The following MPDZ variants were observed in gnomAD, a reference collection of about 807,000 sequenced individuals.
MPDZ encodes multiple PDZ domain protein.
Under a neutral mutation model 239.1 loss-of-function variants are expected in MPDZ, and 234 were observed. The ratio of observed to expected loss-of-function variants is 0.98; its 90% CI spans 0.88 to 1.09. The LOEUF (loss-of-function observed/expected upper bound fraction) is 1.09. MPDZ is among the 50% of genes least tolerant of loss of function. The pLI, the probability that MPDZ is intolerant of heterozygous loss-of-function variation, is 0.00. For synonymous variants in MPDZ, 1,048 were observed against 881.3 expected, an observed-to-expected ratio of 1.19 and a Z score of -3.35; for missense variants, 3,175 against 2,510.0, an observed-to-expected ratio of 1.26 and a Z score of -5.66.
chr9:13,271,860 T>C (rs1427736010), intron 1 of MPDZ, among the ~76,000 whole-genome samples: 2 of 152,142 alleles, frequency 1.3e-5, no homozygotes, highest in African/African-American at 2.4e-5. Context: ...AATCCCAAAA[T>C]AATCACATAG....
Position 13,112,150 on chromosome 9 carries a change from C to A in MPDZ, c.5602-4G>T, listed in dbSNP as rs1415730173. ...TTCCCAGTGAGTCAGTAGGGCCCTG[C>A]CATGGAACAGATATAAAATTTTGGT... On this transcript the variant is annotated splice_region_variant and splice_polypyrimidine_tract_variant and intron_variant, in intron 42 of 46. Coordinates refer to ENST00000319217, the MANE Select transcript of MPDZ (RefSeq NM_001378778.1). 1 of 1,603,006 alleles carries A rather than the reference C, an allele frequency of 6.2e-7. No homozygotes were observed. The highest frequency in any genetic ancestry group is 8.5e-7 in the Non-Finnish European group (1 of 1,174,596).
chr9:13,132,130 T>A (rs1044377998), intron 32 of MPDZ, among the ~76,000 whole-genome samples: 1 of 152,166 alleles, frequency 6.6e-6, no homozygotes, highest in African/African-American at 2.4e-5. Context: ...CATTCCTCAA[T>A]AGCATCTAAT....
intron 32 of MPDZ, among the ~76,000 whole-genome samples, chr9:13,129,262 A>G (rs1170035429): frequency 1.3e-5 from 2 of 152,124 alleles, no homozygotes; most frequent in Admixed American, 1.3e-4. Flanking sequence ...CAGGAGTTCA[A>G]GACCAGCCTG....
chr9:13,227,545 T>C (rs539173371), intron 3 of MPDZ, among the ~76,000 whole-genome samples: 3 of 152,236 alleles, frequency 2.0e-5, no homozygotes, highest in South Asian at 4.1e-4. Flanking sequence ...TTTGGACTTA[T>C]GCTATGGTAA....
At chr9:13,255,405 G>A (rs1193255666) in intron 1 of MPDZ, among the ~76,000 whole-genome samples, 1 of 152,096 alleles carries the variant, frequency 6.6e-6, no homozygotes, top group Non-Finnish European at 1.5e-5. Flanking sequence ...TATCTTAATG[G>A]CATTTAAAGT....
At chr9:13,118,290 G>T (rs958623182) in intron 39 of MPDZ, among the ~76,000 whole-genome samples, 2 of 152,140 alleles carry the variant, frequency 1.3e-5, no homozygotes, top group Non-Finnish European at 2.9e-5. Context: ...CCTCCTTAAA[G>T]AATTCTAATT....
chr9:13,123,557 G>C (rs951618529), intron 35 of MPDZ, among the ~76,000 whole-genome samples: 1 of 152,142 alleles, frequency 6.6e-6, no homozygotes. Context: ...TATCCTACAT[G>C]TTTTAAATTG....
At chr9:13,126,371 G>A (rs866632700) in intron 34 of MPDZ, 145 bp downstream of exon 34, 9 of 505,868 alleles carry the variant, frequency 1.8e-5, no homozygotes, top group Non-Finnish European at 3.0e-5. Context: ...AGAAATTGAA[G>A]AACTTCTGAA....
At chr9:13,201,378 G>C (rs1587742608) in intron 12 of MPDZ, among the ~76,000 whole-genome samples, 1 of 151,652 alleles carries the variant, frequency 6.6e-6, no homozygotes, top group Non-Finnish European at 1.5e-5. Flanking sequence ...TTGCTAGTCT[G>C]ATTATGATGT....
At chr9:13,196,259 AG>A in intron 12 of MPDZ, 29 bp from the exon 13 acceptor site, 11 of 1,447,586 alleles carry the variant, frequency 7.6e-6, no homozygotes, top group Non-Finnish European at 1.0e-5. Flanking sequence ...TTAAGTTAGC[AG>A]CAAACTACAG....
At chr9:13,263,203 T>C (rs1190480190) in intron 1 of MPDZ, among the ~76,000 whole-genome samples, 1 of 152,128 alleles carries the variant, frequency 6.6e-6, no homozygotes, top group Non-Finnish European at 1.5e-5. Flanking sequence ...GACCATGAAC[T>C]AGTAGTTGTT....
At chr9:13,173,686 C>A (rs1248069806) in intron 21 of MPDZ, among the ~76,000 whole-genome samples, 2 of 146,176 alleles carry the variant, frequency 1.4e-5, no homozygotes, top group East Asian at 4.0e-4. Flanking sequence ...GCCTGGGCAA[C>A]AAAGCGAAAC....
At chr9:13,176,639 A>G (rs1401456687) in intron 19 of MPDZ, among the ~76,000 whole-genome samples, 1 of 152,182 alleles carries the variant, frequency 6.6e-6, no homozygotes, top group Non-Finnish European at 1.5e-5. Flanking sequence ...AAAGTCATAC[A>G]TCTCACGTTC....
At chr9:13,145,498 A>C (rs1410851096) in intron 26 of MPDZ, among the ~76,000 whole-genome samples, 2 of 152,048 alleles carry the variant, frequency 1.3e-5, no homozygotes, top group African/African-American at 2.4e-5. Context: ...TCCTATATCT[A>C]CAGATAACAC....
chr9:13,212,425 A>G (rs1957731789), intron 10 of MPDZ, among the ~76,000 whole-genome samples: 1 of 152,098 alleles, frequency 6.6e-6, no homozygotes, highest in Non-Finnish European at 1.5e-5. Context: ...GCTGGTTATT[A>G]AAAGAGTAAA....
At chr9:13,202,475 C>A (rs1455831995) in intron 12 of MPDZ, among the ~76,000 whole-genome samples, 1 of 152,174 alleles carries the variant, frequency 6.6e-6, no homozygotes, top group African/African-American at 2.4e-5. Flanking sequence ...CACCATGGAA[C>A]CAGCCAGTAT....
chr9:13,237,170 C>T (rs748686541), intron 3 of MPDZ, among the ~76,000 whole-genome samples: 4 of 151,750 alleles, frequency 2.6e-5, no homozygotes, highest in Non-Finnish European at 4.4e-5. Context: ...AGGCCAGGAG[C>T]GGTGGTTCAC....
chr9:13,239,646 A>C (rs1268603124), intron 3 of MPDZ, among the ~76,000 whole-genome samples: 1 of 152,162 alleles, frequency 6.6e-6, no homozygotes, highest in Non-Finnish European at 1.5e-5. Context: ...GACAGTTTTG[A>C]ATATTTAAGA....
rs1188443005 is a variant in MPDZ at position 13,128,352 on chromosome 9, C to T, written c.4465-1580G>A. Among the ~76,000 whole-genome samples the T allele has an allele frequency of 2.0e-5, 3 of 152,294 alleles. No homozygotes were observed. The South Asian group carries it at 6.2e-4, about 32-fold the overall frequency. Reference sequence around the variant, plus strand: ...TCTGCAAGATGCCAGCTGCCATTGTCCTAAGAAAATTCAAGCAGCCCCATT... The same window carrying T: ...TCTGCAAGATGCCAGCTGCCATTGTTCTAAGAAAATTCAAGCAGCCCCATT... On this transcript the variant is annotated intron_variant, in intron 32 of 46. Transcript: ENST00000319217.
Sources: allele counts gnomAD v4.1 joint callset (sites outside exome capture counted in the v4.1 genomes callset), GRCh38; gene constraint gnomAD v4.1.1; transcripts MANE v1.5; gene names NCBI Gene and HGNC (gene_info 2026-07-23, HGNC 2026-07-21).